Variants in CMTM4 observed in about 807,000 individuals in gnomAD.
CMTM4 encodes CKLF like MARVEL transmembrane domain containing 4, also known as CKLF-like MARVEL transmembrane domain-containing protein 4.
CMTM4 carries 8 observed loss-of-function variants against 19.0 expected under a neutral mutation model. That is an observed-to-expected ratio of 0.42 (90% CI 0.25 to 0.76). CMTM4 has a LOEUF of 0.76. Among genes scored for constraint, CMTM4 ranks in the 30% least tolerant of loss-of-function variants. The pLI is 0.27. For synonymous variants in CMTM4, 106 were observed against 121.1 expected, an observed-to-expected ratio of 0.88 and a Z score of 0.82; for missense variants, 228 against 290.2, an observed-to-expected ratio of 0.79 and a Z score of 1.56.
At chr16:66,683,401 C>G (rs1567432540) in intron 1 of CMTM4, among the ~76,000 whole-genome samples, 1 of 142,332 alleles carries the variant, frequency 7.0e-6, no homozygotes. Context: ...ACATCATTCT[C>G]CTGCCTCAGC....
chr16:66,617,828 C>T lies in CMTM4; in HGVS notation c.*4230G>A. On this transcript the variant is annotated 3_prime_UTR_variant, in exon 4 of 4. Transcript: ENST00000394106. ...TCCTGAGCCAGATGCCAGGAGCTCA[C>T]CCACAGGACGGGAAAGACCTGTCCC... is the stretch of plus-strand genomic sequence containing the variant. The T allele has an allele frequency of 8.0e-6, 8 of 995,372 alleles. No homozygotes were observed. The highest frequency in any genetic ancestry group is 9.6e-6 in the Non-Finnish European group (8 of 836,404). 61.7% of individuals were successfully genotyped at this position (995,372 alleles called of 1,614,324 possible).
intron 1 of CMTM4, among the ~76,000 whole-genome samples, chr16:66,657,085 ATTT>A (rs35197723): frequency 1.4e-5 from 2 of 139,170 alleles, no homozygotes; most frequent in Non-Finnish European, 3.1e-5. Flanking sequence ...TAATTTCCTG[ATTT>A]TTTTTTTTTT....
chr16:66,685,192 ACTGT>A (rs1382217720), intron 1 of CMTM4, among the ~76,000 whole-genome samples: 2 of 152,258 alleles, frequency 1.3e-5, no homozygotes, highest in Non-Finnish European at 2.9e-5. Context: ...GGAAATTGAG[ACTGT>A]CTGGGAAAAT....
intron 1 of CMTM4, among the ~76,000 whole-genome samples, chr16:66,645,506 G>C (rs1209213712): frequency 6.6e-6 from 1 of 151,800 alleles, no homozygotes; most frequent in Non-Finnish European, 1.5e-5. Flanking sequence ...GAACCCGGGA[G>C]GCAGAGGTTG....
At chr16:66,645,014 T>C (rs554839547) in intron 1 of CMTM4, among the ~76,000 whole-genome samples, 28 of 152,358 alleles carry the variant, frequency 1.8e-4, no homozygotes, top group African/African-American at 6.5e-4. Context: ...CCGGGCACGG[T>C]GGCTCATGCC....
chr16:66,606,385 T>C, the CMTM4 span, among the ~76,000 whole-genome samples: 6 of 152,066 alleles, frequency 3.9e-5, no homozygotes, highest in African/African-American at 1.4e-4. Flanking sequence ...GTCAGTCCCA[T>C]GGAAGGCCTT....
chr16:66,630,226 A>G (rs2015822387), intron 2 of CMTM4, among the ~76,000 whole-genome samples: 3 of 151,728 alleles, frequency 2.0e-5, no homozygotes, highest in African/African-American at 7.3e-5. Flanking sequence ...AAAGGATTAC[A>G]GAACAGCTTG....
chr16:66,695,930 G>A (rs527335237), intron 1 of CMTM4, among the ~76,000 whole-genome samples: 80 of 152,188 alleles, frequency 5.3e-4, no homozygotes, highest in Non-Finnish European at 9.1e-4. Context: ...CCTCGTCTCC[G>A]CAGGCAGAAA....
rs1362179240 is a variant in CMTM4, at chr16:66,617,418, T to C, written c.*4640A>G. ...ACTGTATCCAAATGGAAAAAGAATA[T>C]ATTCCAGACAAAAGAAGGGAAAATA... On this transcript the variant is annotated 3_prime_UTR_variant, in exon 4 of 4. Coordinates refer to ENST00000394106, the MANE Select transcript of CMTM4 (RefSeq NM_181521.3). 5.1e-6 allele frequency: 8 copies of C among 1,573,266 alleles called. No individual in the cohort carries two copies. The highest frequency in any genetic ancestry group is 4.5e-5 in the East Asian group (2 of 43,958).
chr16:66,639,371 G>T (rs975907176), intron 1 of CMTM4, among the ~76,000 whole-genome samples: 6 of 152,144 alleles, frequency 3.9e-5, no homozygotes, highest in Non-Finnish European at 8.8e-5. Flanking sequence ...CATAAAAATG[G>T]CTTCACGGAT....
At chr16:66,634,389 G>A (rs1187880545) in intron 2 of CMTM4, among the ~76,000 whole-genome samples, 2 of 151,374 alleles carry the variant, frequency 1.3e-5, no homozygotes, top group Admixed American at 6.6e-5. Flanking sequence ...TCATTGAGCC[G>A]AGATCACGCC....
At chr16:66,656,582 G>T (rs887603897) in intron 1 of CMTM4, among the ~76,000 whole-genome samples, 10 of 151,030 alleles carry the variant, frequency 6.6e-5, no homozygotes, top group African/African-American at 2.4e-4. Context: ...GAAAGGTTAA[G>T]AAGTTATAAG....
chr16:66,668,007 T>A (rs527698587), intron 1 of CMTM4, among the ~76,000 whole-genome samples: 1 of 152,274 alleles, frequency 6.6e-6, no homozygotes, highest in East Asian at 1.9e-4. Flanking sequence ...TTGTTTGTTT[T>A]GCTTTTGGTT....
chr16:66,675,854 T>A (rs1385120806), intron 1 of CMTM4, among the ~76,000 whole-genome samples: 2 of 152,090 alleles, frequency 1.3e-5, no homozygotes, highest in Non-Finnish European at 2.9e-5. Context: ...CACTATTTAT[T>A]TTTTAAATAC....
At chr16:66,661,940 T>C (rs982216618) in intron 1 of CMTM4, among the ~76,000 whole-genome samples, 2 of 151,318 alleles carry the variant, frequency 1.3e-5, no homozygotes, top group Non-Finnish European at 2.9e-5. Context: ...CTCAAAAAAA[T>C]AAAATAAAAT....
intron 1 of CMTM4, among the ~76,000 whole-genome samples, chr16:66,644,748 A>T (rs2144826756): frequency 6.6e-6 from 1 of 152,338 alleles, no homozygotes; most frequent in Middle Eastern, 3.4e-3. Context: ...TCCCTGCCAC[A>T]GCAGCCTGCA....
chr16:66,663,241 G>C (rs903527606), intron 1 of CMTM4, among the ~76,000 whole-genome samples: 2 of 152,142 alleles, frequency 1.3e-5, no homozygotes, highest in African/African-American at 4.8e-5. Flanking sequence ...GGCATACAAA[G>C]AACCAGGAAA....
chr16:66,619,337 C>T lies in CMTM4; in HGVS notation c.*2721G>A. The T allele has an allele frequency of 1.0e-6, 1 of 985,402 alleles. No individual in the cohort carries two copies. The highest frequency in any genetic ancestry group is 1.2e-6 in the Non-Finnish European group (1 of 829,930). The allele number at this position is 985,402 out of a possible 1,614,324, so 61.0% of individuals were successfully genotyped here. ...GGTTCCACCAAATGCTTGAGGGTTT[C>T]AGCTGTACAGTGTCCAGGAAAAAAC... On this transcript the variant is annotated 3_prime_UTR_variant, in exon 4 of 4. Transcript: ENST00000394106.
chr16:66,617,937 G>T lies in CMTM4; in HGVS notation c.*4121C>A. 1 of 987,180 alleles carries T rather than the reference G, an allele frequency of 1.0e-6. No homozygotes were observed. Among genetic ancestry groups the T allele is most frequent in the Non-Finnish European group, 1.2e-6 (1 of 831,176 alleles). The allele number at this position is 987,180 out of a possible 1,614,324, so 61.2% of individuals were successfully genotyped here. On this transcript the variant is annotated 3_prime_UTR_variant, in exon 4 of 4. Transcript: ENST00000394106. ...AGAGGACAGGAAGGCAGTTAACAAA[G>T]TACACGTTTCCAAGACAGCCTGAGC... is the stretch of plus-strand genomic sequence containing the variant.
Sources: gnomAD v4.1 joint callset for allele counts (sites outside exome capture counted in the v4.1 genomes callset) on GRCh38, gnomAD v4.1.1 for gene constraint, MANE v1.5 for transcripts, NCBI Gene and HGNC (gene_info 2026-07-23, HGNC 2026-07-21) for gene names.